The following VPS13B variants were observed in gnomAD, a reference collection of about 807,000 sequenced individuals.
VPS13B encodes intermembrane lipid transfer protein VPS13B.
VPS13B carries 285 observed loss-of-function variants against 426.4 expected under a neutral mutation model. The observed-to-expected ratio is 0.67, with a 90% CI of 0.61 to 0.74. The LOEUF (loss-of-function observed/expected upper bound fraction) is 0.74. VPS13B is among the 30% of genes least tolerant of loss of function. The pLI is 0.00. For synonymous variants in VPS13B, 1,676 were observed against 1,676.4 expected (o/e 1.00, Z 0.01); for missense variants, 4,537 against 4,782.6 (o/e 0.95, Z 1.51).
At chr8:99,550,438 G>A (rs1824220613) in intron 30 of VPS13B, among the ~76,000 whole-genome samples, 1 of 149,186 alleles carries the variant, frequency 6.7e-6, no homozygotes, top group East Asian at 2.0e-4. Context: ...AATCTTTGTT[G>A]CTATAAATCT....
At chr8:99,633,549 A>G (rs1459802509) in intron 33 of VPS13B, among the ~76,000 whole-genome samples, 1 of 152,056 alleles carries the variant, frequency 6.6e-6, no homozygotes. Context: ...CTCAGACACA[A>G]TTGTAAACCC....
At chr8:99,465,488 T>C (rs1819066712) in intron 23 of VPS13B, among the ~76,000 whole-genome samples, 1 of 151,404 alleles carries the variant, frequency 6.6e-6, no homozygotes, top group South Asian at 2.1e-4. Flanking sequence ...CGCAGAAATA[T>C]AACTGTGATA....
chr8:99,652,670 C>T (rs1046920114), intron 34 of VPS13B, among the ~76,000 whole-genome samples: 1 of 151,842 alleles, frequency 6.6e-6, no homozygotes, highest in African/African-American at 2.4e-5. Flanking sequence ...ATCTTGATTT[C>T]ATTTAGTTAT....
intron 35 of VPS13B, chr8:99,698,000 G>A (rs1832105111): frequency 3.0e-5 from 12 of 404,802 alleles, no homozygotes; most frequent in African/African-American, 4.1e-5. Context: ...GAAGGAGGCC[G>A]CAGAGGTGAA....
chr8:99,118,865 C>G (rs751723592), intron 7 of VPS13B, among the ~76,000 whole-genome samples: 1 of 152,102 alleles, frequency 6.6e-6, no homozygotes, highest in Non-Finnish European at 1.5e-5. Context: ...TATTTTTGTA[C>G]AAATTTCACG....
At chr8:99,272,617 T>C (rs991744812) in intron 17 of VPS13B, among the ~76,000 whole-genome samples, 2 of 152,168 alleles carry the variant, frequency 1.3e-5, no homozygotes, top group Non-Finnish European at 2.9e-5. Flanking sequence ...AATTCTCACC[T>C]ACCCTTAAGG....
intron 34 of VPS13B, among the ~76,000 whole-genome samples, chr8:99,651,088 G>C (rs1829796453): frequency 6.6e-6 from 1 of 152,082 alleles, no homozygotes; most frequent in Admixed American, 6.6e-5. Context: ...GTATCCACAG[G>C]AGGTCTTGGA....
intron 23 of VPS13B, among the ~76,000 whole-genome samples, chr8:99,462,069 C>G (rs1021451857): frequency 2.6e-5 from 4 of 151,790 alleles, no homozygotes; most frequent in Non-Finnish European, 4.4e-5. Context: ...CGTTTTTACT[C>G]ATTCATTCCC....
chr8:99,625,852 T>TAAC (rs1313056313), intron 33 of VPS13B, among the ~76,000 whole-genome samples: 5 of 151,542 alleles, frequency 3.3e-5, no homozygotes, highest in Admixed American at 1.3e-4. Flanking sequence ...AAAACAACAA[T>TAAC]AACAACAACA....
At position 99,877,266 on chromosome 8, in the gene VPS13B, T is replaced by G. The variant is rs1232934309; in HGVS notation, c.*1600T>G. The G allele has an allele frequency of 6.6e-6, 1 of 152,654 alleles. No individual in the cohort carries two copies. Among genetic ancestry groups the G allele is most frequent in the Non-Finnish European group, 1.5e-5 (1 of 68,040 alleles). 9.5% of individuals were successfully genotyped at this position (152,654 alleles called of 1,614,324 possible). A position where few individuals can be genotyped will look rare whatever the true frequency, so the allele number is the denominator to read the frequency against. On this transcript the variant is annotated 3_prime_UTR_variant, in exon 62 of 62. Transcript: ENST00000357162. ...ATTCTGACTATGAAAAATGTCTCTT[T>G]CAGTTTGTTCTGTAAATATTTAGAA...
In VPS13B at chr8:99,709,721, T is replaced by G. The variant is rs142643804; in HGVS notation, c.6455-7450T>G. Reference sequence around the variant, plus strand: ...GAAAGAAGAAGTCATACCGTACGATTGGTCAAAGTGACCTGATCACATAAT... The same window carrying G: ...GAAAGAAGAAGTCATACCGTACGATGGGTCAAAGTGACCTGATCACATAAT... On this transcript the variant is annotated intron_variant, in intron 36 of 61. Coordinates refer to ENST00000357162, the MANE Select transcript of VPS13B (RefSeq NM_152564.5). Among the ~76,000 whole-genome samples the G allele has an allele frequency of 5.2e-3, 799 of 152,298 alleles. 7 individuals are homozygous for G. The highest frequency in any genetic ancestry group is 0.018 in the African/African-American group (765 of 41,564).
At chr8:99,019,803 A>C (rs1026446693) in intron 2 of VPS13B, among the ~76,000 whole-genome samples, 10 of 152,232 alleles carry the variant, frequency 6.6e-5, no homozygotes, top group African/African-American at 2.4e-4. Context: ...TCTATGTTGT[A>C]GCATATGCCA....
At position 99,111,429 on chromosome 8, in the gene VPS13B, AT is replaced by A. The variant is rs1226319890; in HGVS notation, c.762+155del. ...TATAAAAATTTTATTTATGTTTATG[AT>A]TTTTATGTTGTATTTATACATTTCT... On this transcript the variant is annotated intron_variant, in intron 6 of 61. Transcript: ENST00000357162. 1.0e-5 allele frequency: 6 copies of A among 599,860 alleles called. No homozygotes were observed. In the Admixed American group the frequency reaches 2.3e-4, roughly 23 times the overall value. 37.2% of individuals were successfully genotyped at this position (599,860 alleles called of 1,614,324 possible). A position where few individuals can be genotyped will look rare whatever the true frequency, so the allele number is the denominator to read the frequency against.
At chr8:99,849,866 GAATAT>G (rs925431212) in intron 55 of VPS13B, among the ~76,000 whole-genome samples, 4 of 151,950 alleles carry the variant, frequency 2.6e-5, no homozygotes, top group African/African-American at 7.3e-5. Context: ...AAAACAAGTA[GAATAT>G]AATATTGAAT....
chr8:99,746,776 G>C (rs1345210643), intron 39 of VPS13B, among the ~76,000 whole-genome samples: 1 of 152,048 alleles, frequency 6.6e-6, no homozygotes, highest in Admixed American at 6.6e-5. Flanking sequence ...AGACCAAACT[G>C]AATGGAATCA....
In VPS13B at chr8:99,835,701, G is replaced by A. The variant is rs2130866735; in HGVS notation, c.9905G>A (p.Trp3302Ter). ...VEPLDEVTTE[W>*]SDAIDINSQG... ...CCTCTAGATGAAGTAACAACTGAGT[G>A]GAGTGATGCCATTGACATCAACAGT... Residue 3302 changes from tryptophan (W) to a stop codon, truncating the protein, a stop_gained, in exon 54 of 62, where the codon TGG becomes TAG. Transcript: ENST00000357162. LOFTEE classifies it high-confidence loss of function. The A allele has an allele frequency of 6.2e-7, 1 of 1,614,134 alleles. No homozygotes were observed. The highest frequency in any genetic ancestry group is 8.5e-7 in the Non-Finnish European group (1 of 1,180,006).
chr8:99,848,102 A>C (rs1816074622), intron 54 of VPS13B, among the ~76,000 whole-genome samples: 1 of 152,164 alleles, frequency 6.6e-6, no homozygotes, highest in Admixed American at 6.5e-5. Flanking sequence ...TTACCCATTT[A>C]AGCAACTCAC....
At chr8:99,663,341 T>C (rs1830317147) in intron 35 of VPS13B, among the ~76,000 whole-genome samples, 1 of 152,168 alleles carries the variant, frequency 6.6e-6, no homozygotes, top group East Asian at 1.9e-4. Flanking sequence ...TGTAGAAGTA[T>C]GAAGAACTAT....
intron 4 of VPS13B, among the ~76,000 whole-genome samples, chr8:99,102,748 T>C (rs573290621): frequency 6.6e-6 from 1 of 152,326 alleles, no homozygotes; most frequent in Non-Finnish European, 1.5e-5. Context: ...AACTTCTTGA[T>C]AATGACGTTT....
Sources: allele counts gnomAD v4.1 joint callset (sites outside exome capture counted in the v4.1 genomes callset), GRCh38; gene constraint gnomAD v4.1.1; transcripts MANE v1.5; gene names NCBI Gene and HGNC (gene_info 2026-07-23, HGNC 2026-07-21).